The following STXBP5L variants were observed in gnomAD, a reference collection of about 807,000 sequenced individuals.
STXBP5L encodes the protein syntaxin-binding protein 5-like.
Under a neutral mutation model 144.5 loss-of-function variants are expected in STXBP5L, and 65 were observed. The ratio of observed to expected loss-of-function variants is 0.45; its 90% CI spans 0.37 to 0.55. STXBP5L has a LOEUF of 0.55. Among genes scored for constraint, STXBP5L ranks in the 20% least tolerant of loss-of-function variants. STXBP5L has a pLI of 0.00. For synonymous variants in STXBP5L, 505 were observed against 469.6 expected (o/e 1.08, Z -0.97); for missense variants, 1,298 against 1,405.5 (o/e 0.92, Z 1.22).
rs181014707 is a variant in STXBP5L, at chr3:121,266,851, C to T, written c.1958+7683C>T. Among the ~76,000 whole-genome samples, 9 of 151,858 alleles carry T rather than the reference C, an allele frequency of 5.9e-5. 1 individual carries two copies. The highest frequency in any genetic ancestry group is 1.9e-4 in the African/African-American group (8 of 41,484). ...AACAACAACAGACAAAGAGAGTGAA[C>T]TCTCATTCACAGTTGCTACAAAGAG... On this transcript the variant is annotated intron_variant, in intron 18 of 26. Coordinates refer to ENST00000471454, the MANE Select transcript of STXBP5L (RefSeq NM_001308330.2).
At chr3:121,318,907 A>G (rs569251321) in intron 20 of STXBP5L, among the ~76,000 whole-genome samples, 1 of 152,316 alleles carries the variant, frequency 6.6e-6, no homozygotes, top group South Asian at 2.1e-4. Context: ...TACAGTATAT[A>G]TGCAGAAGCA....
At chr3:121,089,283 G>A (rs966316570) in intron 5 of STXBP5L, among the ~76,000 whole-genome samples, 2 of 151,132 alleles carry the variant, frequency 1.3e-5, no homozygotes, top group African/African-American at 4.9e-5. Flanking sequence ...TTTTTTATTG[G>A]TCTTTTAAAG....
chr3:121,051,467 A>C (rs1947987872), intron 5 of STXBP5L, among the ~76,000 whole-genome samples: 1 of 152,232 alleles, frequency 6.6e-6, no homozygotes, highest in Non-Finnish European at 1.5e-5. Context: ...GAAACTGAAC[A>C]ACCTGCTCCT....
rs2046562939 is a variant in STXBP5L, at chr3:121,390,780, TGG to T, written c.2587+9250_2587+9251del. Among the ~76,000 whole-genome samples, 3 of 152,336 alleles carry T rather than the reference TGG, an allele frequency of 2.0e-5. No homozygotes were observed. The South Asian group carries it at 6.2e-4, about 32-fold the overall frequency. On this transcript the variant is annotated intron_variant, in intron 22 of 26. Transcript: ENST00000471454. ...TGTTAGTCTGATGGGCTTCCATTTG[TGG>T]GTAACTCAACCTTTCTCTCTGGCTG...
At chr3:120,911,517 C>T (rs1298039979) in intron 2 of STXBP5L, among the ~76,000 whole-genome samples, 1 of 152,110 alleles carries the variant, frequency 6.6e-6, no homozygotes, top group Admixed American at 6.5e-5. Flanking sequence ...TATCTGCTCT[C>T]CTTAACTAAG....
At chr3:121,137,607 A>G (rs1307070580) in intron 7 of STXBP5L, among the ~76,000 whole-genome samples, 1 of 152,208 alleles carries the variant, frequency 6.6e-6, no homozygotes, top group African/African-American at 2.4e-5. Context: ...TTATTGCAGG[A>G]ATACAAAGAT....
intron 20 of STXBP5L, among the ~76,000 whole-genome samples, chr3:121,331,706 C>A (rs1418447538): frequency 6.6e-6 from 1 of 152,202 alleles, no homozygotes; most frequent in Non-Finnish European, 1.5e-5. Flanking sequence ...TTGGGTATTG[C>A]ATCTACCCAC....
At chr3:121,298,943 T>C (rs567154355) in intron 19 of STXBP5L, among the ~76,000 whole-genome samples, 4 of 152,336 alleles carry the variant, frequency 2.6e-5, no homozygotes, top group South Asian at 4.1e-4. Flanking sequence ...TATGTGTTGA[T>C]TATATATGTA....
At chr3:121,033,322 C>G (rs1331154328) in intron 3 of STXBP5L, among the ~76,000 whole-genome samples, 2 of 115,482 alleles carry the variant, frequency 1.7e-5, no homozygotes, top group Admixed American at 9.6e-5. Context: ...ATCGCAAGAA[C>G]AAAAAACCAA....
At chr3:120,975,555 C>A (rs1940879958) in intron 3 of STXBP5L, among the ~76,000 whole-genome samples, 2 of 152,140 alleles carry the variant, frequency 1.3e-5, no homozygotes, top group Admixed American at 1.3e-4. Context: ...TGCCTGATTG[C>A]CCTGGCCAGA....
At chr3:121,211,954 C>T (rs1423499768) in intron 10 of STXBP5L, among the ~76,000 whole-genome samples, 1 of 152,160 alleles carries the variant, frequency 6.6e-6, no homozygotes, top group Non-Finnish European at 1.5e-5. Context: ...ATTTGCATTT[C>T]TCTAATGACC....
intron 9 of STXBP5L, among the ~76,000 whole-genome samples, chr3:121,176,537 C>T (rs2046943866): frequency 8.1e-6 from 1 of 123,756 alleles, no homozygotes; most frequent in Non-Finnish European, 1.8e-5. Context: ...TGTCATTTAA[C>T]ACTCCCAAAA....
intron 3 of STXBP5L, among the ~76,000 whole-genome samples, chr3:120,986,072 C>T (rs1942259355): frequency 6.6e-6 from 1 of 151,972 alleles, no homozygotes; most frequent in South Asian, 2.1e-4. Flanking sequence ...TTGCTGCATC[C>T]CACGAGTTTT....
intron 3 of STXBP5L, among the ~76,000 whole-genome samples, chr3:121,022,244 C>G (rs947396377): frequency 3.3e-5 from 5 of 151,742 alleles, no homozygotes; most frequent in Admixed American, 6.6e-5. Flanking sequence ...TAAACAGACT[C>G]TAAATAGTAA....
At chr3:121,039,550 G>C (rs897410000) in intron 3 of STXBP5L, among the ~76,000 whole-genome samples, 2 of 149,918 alleles carry the variant, frequency 1.3e-5, no homozygotes, top group African/African-American at 4.9e-5. Flanking sequence ...TTTCCTTTTT[G>C]TATATCCAGA....
intron 9 of STXBP5L, among the ~76,000 whole-genome samples, chr3:121,192,468 CTACTT>C (rs1172652960): frequency 1.3e-5 from 2 of 152,196 alleles, no homozygotes; most frequent in South Asian, 2.1e-4. Context: ...TTGGAAAACA[CTACTT>C]TAAAGTTCAT....
Position 121,407,526 on chromosome 3 carries a change from G to T in STXBP5L, c.2871G>T (p.Leu957=). The T allele has an allele frequency of 6.2e-7, 1 of 1,613,310 alleles. No homozygotes were observed. The highest frequency in any genetic ancestry group is 8.5e-7 in the Non-Finnish European group (1 of 1,179,520). Residue 957 remains leucine, a synonymous_variant, in exon 23 of 27, where the codon CTG becomes CTT. Coordinates refer to ENST00000471454, the MANE Select transcript of STXBP5L (RefSeq NM_001308330.2). The part of the protein sequence containing the change: ...VHNITETSFI[L]QANVVVMCSS... Reference sequence around the variant, plus strand: ...ACATCACGGAGACATCTTTTATACTGCAAGCAAATGTGGTGGTCATGTGTA... The same window carrying T: ...ACATCACGGAGACATCTTTTATACTTCAAGCAAATGTGGTGGTCATGTGTA...
At chr3:121,077,292 T>C (rs1344591672) in intron 5 of STXBP5L, among the ~76,000 whole-genome samples, 2 of 152,094 alleles carry the variant, frequency 1.3e-5, no homozygotes, top group African/African-American at 4.8e-5. Context: ...TGTCCAGAAT[T>C]GGTGGGTTCT....
At chr3:121,215,277 G>A (rs1355152119) in intron 10 of STXBP5L, among the ~76,000 whole-genome samples, 1 of 152,118 alleles carries the variant, frequency 6.6e-6, no homozygotes, top group African/African-American at 2.4e-5. Flanking sequence ...CCCATTAGTT[G>A]TTGCAGTTTC....
Sources: gnomAD v4.1 joint callset for allele counts (sites outside exome capture counted in the v4.1 genomes callset) on GRCh38, gnomAD v4.1.1 for gene constraint, MANE v1.5 for transcripts, NCBI Gene and HGNC (gene_info 2026-07-23, HGNC 2026-07-21) for gene names.